The following STAG1 variants were observed in gnomAD, a reference collection of about 807,000 sequenced individuals.
The protein encoded by STAG1 is cohesin subunit SA-1.
A neutral mutation model predicts 170.9 loss-of-function variants in STAG1; 26 were observed. The observed-to-expected ratio is 0.15, with a 90% confidence interval of 0.11 to 0.21. The LOEUF is 0.21. Ranked by LOEUF, STAG1 falls within the 10% of genes least tolerant of loss-of-function variation. STAG1 has a pLI of 1.00. For synonymous variants in STAG1, 514 were observed against 497.7 expected (o/e 1.03, Z -0.44); for missense variants, 964 against 1,509.5 (o/e 0.64, Z 5.99).
chr3:136,377,386 C>CAAAAAAAAAA (rs57934830), intron 23 of STAG1, among the ~76,000 whole-genome samples: 29,575 of 42,274 alleles, frequency 0.7, 13,128 homozygotes, highest in South Asian at 0.83. Flanking sequence ...GACTCTGTCT[C>CAAAAAAAAAA]AAAAAAAAAA....
intron 22 of STAG1, among the ~76,000 whole-genome samples, chr3:136,380,849 G>C (rs1937915420): frequency 6.6e-6 from 1 of 151,550 alleles, no homozygotes; most frequent in African/African-American, 2.4e-5. Flanking sequence ...ATGAAATCCA[G>C]TCTCTACTAA....
chr3:136,415,392 T>C (rs974952382), intron 21 of STAG1, among the ~76,000 whole-genome samples: 1 of 152,102 alleles, frequency 6.6e-6, no homozygotes, highest in Non-Finnish European at 1.5e-5. Context: ...AGTTTTAAGG[T>C]ATCTTCAAAA....
intron 5 of STAG1, among the ~76,000 whole-genome samples, chr3:136,550,206 G>A (rs1022638912): frequency 2.0e-5 from 3 of 152,030 alleles, no homozygotes; most frequent in Non-Finnish European, 2.9e-5. Context: ...CTGAGAACTG[G>A]CATTAATTCT....
chr3:136,338,619 CAA>C (rs1240443820), intron 32 of STAG1, among the ~76,000 whole-genome samples, 169 bp from the exon 33 acceptor site: 2 of 151,898 alleles, frequency 1.3e-5, no homozygotes, highest in Non-Finnish European at 2.9e-5. Context: ...TTTTTAAAAA[CAA>C]ACAGTACTTT....
chr3:136,526,491 C>T (rs925756276), intron 6 of STAG1, among the ~76,000 whole-genome samples: 16 of 152,282 alleles, frequency 1.1e-4, no homozygotes, highest in East Asian at 7.7e-4. Context: ...ACGTGTGTCT[C>T]TGCACTTGAG....
intron 30 of STAG1, among the ~76,000 whole-genome samples, chr3:136,342,079 G>A (rs1936000866): frequency 6.6e-6 from 1 of 151,836 alleles, no homozygotes; most frequent in African/African-American, 2.4e-5. Flanking sequence ...GAGTGCAGTG[G>A]CACAATCTTG....
intron 5 of STAG1, among the ~76,000 whole-genome samples, chr3:136,561,995 A>G (rs750655692): frequency 5.3e-5 from 8 of 152,144 alleles, no homozygotes; most frequent in Non-Finnish European, 1.0e-4. Flanking sequence ...ATAAGTGTTT[A>G]GCTACAGACA....
intron 9 of STAG1, among the ~76,000 whole-genome samples, chr3:136,479,207 C>A (rs2089854482): frequency 6.9e-6 from 1 of 144,954 alleles, no homozygotes; most frequent in African/African-American, 2.5e-5. Flanking sequence ...AGGTATATCT[C>A]CCAATGCTAT....
intron 21 of STAG1, among the ~76,000 whole-genome samples, chr3:136,399,900 A>T (rs1306260339): frequency 6.6e-6 from 1 of 152,160 alleles, no homozygotes; most frequent in Non-Finnish European, 1.5e-5. Flanking sequence ...CATAACAAAT[A>T]ATAAAACTTT....
intron 1 of STAG1, among the ~76,000 whole-genome samples, chr3:136,747,548 G>T (rs1423616860): frequency 6.6e-6 from 1 of 151,960 alleles, no homozygotes; most frequent in African/African-American, 2.4e-5. Flanking sequence ...AATTAGCCGG[G>T]CGTAGTGGCA....
intron 1 of STAG1, among the ~76,000 whole-genome samples, chr3:136,641,656 T>C (rs190793985): frequency 2.1e-3 from 321 of 152,310 alleles, no homozygotes; most frequent in African/African-American, 7.4e-3. Flanking sequence ...TAAGGAACTG[T>C]CCCTGATTAC....
chr3:136,565,480 C>G (rs1414711731), intron 5 of STAG1, among the ~76,000 whole-genome samples: 2 of 152,100 alleles, frequency 1.3e-5, no homozygotes, highest in Non-Finnish European at 2.9e-5. Context: ...AGTTAGATAC[C>G]ACTTTATACC....
intron 1 of STAG1, among the ~76,000 whole-genome samples, chr3:136,673,795 T>C (rs568151063): frequency 1.1e-4 from 17 of 152,148 alleles, no homozygotes; most frequent in Non-Finnish European, 2.1e-4. Flanking sequence ...ATAACTATAA[T>C]TGATTATAGA....
Position 136,417,942 on chromosome 3 carries a change from A to G in STAG1, c.2139T>C (p.Phe713=), listed in dbSNP as rs1384020800. 7 of 1,613,868 alleles carry G rather than the reference A, an allele frequency of 4.3e-6. No individual in the cohort carries two copies. The highest frequency in any genetic ancestry group is 5.9e-6 in the Non-Finnish European group (7 of 1,179,876). ...TCTTCAATAATCTGTAGCAATTACC[A>G]AAGAGATCCCATTTTGTGAGATCAT... is the stretch of plus-strand genomic sequence containing the variant. ...NAHDLTKWDL[F]GNCYRLLKTG... Residue 713 remains phenylalanine (F), a synonymous_variant, in exon 21 of 34, where the codon TTT becomes TTC. Coordinates refer to ENST00000383202, the MANE Select transcript of STAG1 (RefSeq NM_005862.3).
intron 1 of STAG1, among the ~76,000 whole-genome samples, chr3:136,716,170 A>G (rs1943536314): frequency 1.3e-5 from 2 of 151,660 alleles, no homozygotes; most frequent in African/African-American, 4.8e-5. Flanking sequence ...ATCTCACTTA[A>G]GTCATGGCGG....
chr3:136,525,439 A>G (rs909730462), intron 6 of STAG1, among the ~76,000 whole-genome samples: 4 of 151,752 alleles, frequency 2.6e-5, no homozygotes, highest in African/African-American at 7.3e-5. Flanking sequence ...ATCGGTGGTG[A>G]TATCCCCTTT....
chr3:136,616,931 C>A (rs1468344376), intron 3 of STAG1, among the ~76,000 whole-genome samples: 1 of 152,080 alleles, frequency 6.6e-6, no homozygotes, highest in Admixed American at 6.6e-5. Context: ...AAAGACTTAA[C>A]CATTATAAGC....
intron 28 of STAG1, among the ~76,000 whole-genome samples, chr3:136,355,577 A>G (rs1936620897): frequency 6.6e-6 from 1 of 152,152 alleles, no homozygotes; most frequent in South Asian, 2.1e-4. Flanking sequence ...TAAGCTAACT[A>G]GACAGAACAC....
intron 22 of STAG1, among the ~76,000 whole-genome samples, chr3:136,384,452 AAAG>A (rs1230099704): frequency 1.0e-4 from 15 of 149,312 alleles, no homozygotes; most frequent in African/African-American, 1.5e-4. Context: ...TCCGTCTCAA[AAAG>A]AAGAAGAAAA....
Sources: allele counts gnomAD v4.1 joint callset (sites outside exome capture counted in the v4.1 genomes callset), GRCh38; gene constraint gnomAD v4.1.1; transcripts MANE v1.5; gene names NCBI Gene and HGNC (gene_info 2026-07-23, HGNC 2026-07-21).